Variants in KIRREL3 observed in about 807,000 individuals in gnomAD.
KIRREL3 encodes kin of IRRE-like protein 3.
In KIRREL3, 36 loss-of-function variants were observed where a neutral mutation model predicts 89.7. The observed-to-expected ratio is 0.40, with a 90% CI of 0.31 to 0.53. KIRREL3 has a LOEUF of 0.53. Among genes scored for constraint, KIRREL3 ranks in the 20% least tolerant of loss-of-function variants. The pLI is 0.49. For missense variants in KIRREL3, 864 were observed against 1,056.6 expected, an observed-to-expected ratio of 0.82 and a Z score of 2.53; for synonymous variants, 445 against 441.4, an observed-to-expected ratio of 1.01 and a Z score of -0.10.
rs1297889914 is a variant in KIRREL3 at position 126,664,520 on chromosome 11, A to T, written c.56-101608T>A. 6.6e-6 allele frequency among the ~76,000 whole-genome samples: 1 copy of T among 152,132 alleles called. No individual in the cohort carries two copies. The highest frequency in any genetic ancestry group is 1.5e-5 in the Non-Finnish European group (1 of 68,018). On this transcript the variant is annotated intron_variant, in intron 1 of 16. Coordinates refer to ENST00000525144, the MANE Select transcript of KIRREL3 (RefSeq NM_032531.4). The surrounding 1 kb of genome is among the most constrained non-coding windows in gnomAD (Gnocchi z 5.4). ...AATCTCAGGTGCAGGGAAGGCATAGATCTTCTGTTGGAACTGGGGATACTG... is the reference window on the plus strand; with the variant it reads ...AATCTCAGGTGCAGGGAAGGCATAGTTCTTCTGTTGGAACTGGGGATACTG...
intron 1 of KIRREL3, among the ~76,000 whole-genome samples, chr11:126,854,522 G>C (rs1944446186): frequency 6.6e-6 from 1 of 152,092 alleles, no homozygotes; most frequent in Non-Finnish European, 1.5e-5. Flanking sequence ...ATGTATTCCA[G>C]GTTCATCCAT....
intron 1 of KIRREL3, among the ~76,000 whole-genome samples, chr11:126,638,691 G>A (rs886759684): frequency 9.2e-5 from 14 of 152,148 alleles, no homozygotes; most frequent in African/African-American, 2.9e-4. Context: ...TATTTGGTGG[G>A]CAGTTGTAGT....
At position 126,985,539 on chromosome 11, in the gene KIRREL3, G is replaced by A. The variant is rs1212576322; in HGVS notation, c.55+14916C>T. Among the ~76,000 whole-genome samples, 1 of 152,164 alleles carries A rather than the reference G, an allele frequency of 6.6e-6. No individual in the cohort carries two copies. The highest frequency in any genetic ancestry group is 2.4e-5 in the African/African-American group (1 of 41,436). On this transcript the variant is annotated intron_variant, in intron 1 of 16. Coordinates refer to ENST00000525144, the MANE Select transcript of KIRREL3 (RefSeq NM_032531.4). The surrounding 1 kb of genome is among the most constrained non-coding windows in gnomAD (Gnocchi z 5.3). The stretch of plus-strand genomic sequence containing the variant: ...AAACTTCCACCAGGAGGCAAAAGGA[G>A]CTGAGTCTTTAGGGTAGAAGTTATC...
rs1939767731 is a variant in KIRREL3 at position 126,557,127 on chromosome 11, C to T, written c.133+5708G>A. On this transcript the variant is annotated intron_variant, in intron 2 of 16. Coordinates refer to ENST00000525144, the MANE Select transcript of KIRREL3 (RefSeq NM_032531.4). The surrounding 1 kb of genome is among the most constrained non-coding windows in gnomAD (Gnocchi z 5.6). ...GCCGGTAGCAGGGAGGCCTGCTCAT[C>T]CCTGGGTCAGGTCCCCAGGCCAAGG... is the stretch of plus-strand genomic sequence containing the variant. 6.6e-6 allele frequency among the ~76,000 whole-genome samples: 1 copy of T among 152,160 alleles called. No individual in the cohort carries two copies. Among genetic ancestry groups the T allele is most frequent in the African/African-American group, 2.4e-5 (1 of 41,424 alleles).
In KIRREL3 at chr11:126,725,446, G is replaced by A. The variant is rs1357108288; in HGVS notation, c.56-162534C>T. The stretch of plus-strand genomic sequence containing the variant: ...TGGTTTGGAAATGGTGCTAACACCC[G>A]CATGGGCATTTCTTTCTTGACATCT... On this transcript the variant is annotated intron_variant, in intron 1 of 16. Coordinates refer to ENST00000525144, the MANE Select transcript of KIRREL3 (RefSeq NM_032531.4). 3.9e-5 allele frequency among the ~76,000 whole-genome samples: 6 copies of A among 152,194 alleles called. No individual in the cohort carries two copies. In the East Asian group the frequency reaches 5.8e-4, roughly 15 times the overall value.
intron 1 of KIRREL3, among the ~76,000 whole-genome samples, chr11:126,591,400 G>T (rs566054585): frequency 2.6e-5 from 4 of 152,312 alleles, no homozygotes; most frequent in Admixed American, 2.6e-4. Context: ...GTGTGTTCTG[G>T]TGGGAGGTTT....
At position 126,561,308 on chromosome 11, in the gene KIRREL3, C is replaced by T. The variant is rs1940101489; in HGVS notation, c.133+1527G>A. ...TAACTCATCACACATGTTGGCTCAG[C>T]TTGCATCCCATCCCCTCATCTCCTC... On this transcript the variant is annotated intron_variant, in intron 2 of 16. Coordinates refer to ENST00000525144, the MANE Select transcript of KIRREL3 (RefSeq NM_032531.4). The surrounding 1 kb of genome is among the most constrained non-coding windows in gnomAD (Gnocchi z 4.5). Among the ~76,000 whole-genome samples the T allele has an allele frequency of 6.6e-6, 1 of 152,210 alleles. No homozygotes were observed. The highest frequency in any genetic ancestry group is 1.5e-5 in the Non-Finnish European group (1 of 68,040).
intron 1 of KIRREL3, among the ~76,000 whole-genome samples, chr11:126,893,784 C>G (rs1227595981): frequency 6.6e-6 from 1 of 152,190 alleles, no homozygotes; most frequent in African/African-American, 2.4e-5. Flanking sequence ...GTTATAAATA[C>G]CTTAACATTC....
At chr11:126,494,335 C>T (rs772341811) in intron 4 of KIRREL3, among the ~76,000 whole-genome samples, 2 of 152,092 alleles carry the variant, frequency 1.3e-5, no homozygotes, top group East Asian at 1.9e-4. Context: ...TTTTAATACA[C>T]CTGCTTTTAA....
In KIRREL3 at chr11:126,923,256, TTCTTCTTCTTCTCCTTCTCC is replaced by T. The variant is rs1240608494; in HGVS notation, c.55+77179_55+77198del. On this transcript the variant is annotated intron_variant, in intron 1 of 16. Transcript: ENST00000525144. ...CTTCTTCTTCTTCTTCTTCTTCTTCTTCTTCTTCTTCTCCTTCTCCTTCTCCTTCTCCTTCTCCTTCTTCC... is the reference window on the plus strand; with the variant it reads ...CTTCTTCTTCTTCTTCTTCTTCTTCTTTCTCCTTCTCCTTCTCCTTCTTCC... 6.7e-5 allele frequency among the ~76,000 whole-genome samples: 7 copies of T among 105,244 alleles called. 1 individual carries two copies. Among genetic ancestry groups the T allele is most frequent in the Non-Finnish European group, 1.1e-4 (6 of 52,828 alleles). The allele number at this position is 105,244 out of a possible 152,430, so 69.0% of individuals were successfully genotyped here. A position where few individuals can be genotyped will look rare whatever the true frequency, so the allele number is the denominator to read the frequency against.
At chr11:126,862,881 C>G (rs1425016228) in intron 1 of KIRREL3, among the ~76,000 whole-genome samples, 1 of 152,194 alleles carries the variant, frequency 6.6e-6, no homozygotes, top group Admixed American at 6.5e-5. Flanking sequence ...GAGAAGCAGA[C>G]AGAATGGGAG....
chr11:126,646,566 C>T (rs984792480), intron 1 of KIRREL3, among the ~76,000 whole-genome samples: 1 of 150,338 alleles, frequency 6.7e-6, no homozygotes, highest in African/African-American at 2.4e-5. Context: ...ACTTCAACTC[C>T]TGGGTTCAGG....
Position 126,862,339 on chromosome 11 carries a change from G to A in KIRREL3, c.55+138116C>T, listed in dbSNP as rs1015100186. Among the ~76,000 whole-genome samples, 2 of 152,314 alleles carry A rather than the reference G, an allele frequency of 1.3e-5. 1 individual carries two copies. The highest frequency in any genetic ancestry group is 4.2e-4 in the South Asian group (2 of 4,816). ...AACCTTCCCACGTCATTTGCAGAGTGAAGTGAATATCAATAAAATTGTAAC... is the reference window on the plus strand; with the variant it reads ...AACCTTCCCACGTCATTTGCAGAGTAAAGTGAATATCAATAAAATTGTAAC... On this transcript the variant is annotated intron_variant, in intron 1 of 16. Transcript: ENST00000525144.
chr11:126,494,667 G>A (rs2134347478), intron 4 of KIRREL3, among the ~76,000 whole-genome samples: 1 of 152,354 alleles, frequency 6.6e-6, no homozygotes, highest in South Asian at 2.1e-4. Flanking sequence ...TGTTCCCAGA[G>A]AGGGAAGCTG....
rs1945584576 is a variant in KIRREL3, at chr11:126,883,517, T to C, written c.55+116938A>G. Reference sequence around the variant, plus strand: ...CAACTCTGCTTGAAACGTCCTTAACTCATCTTCTCCACCTGGAAAAAATCC... The same window carrying C: ...CAACTCTGCTTGAAACGTCCTTAACCCATCTTCTCCACCTGGAAAAAATCC... On this transcript the variant is annotated intron_variant, in intron 1 of 16. Transcript: ENST00000525144. The surrounding 1 kb of genome is among the most constrained non-coding windows in gnomAD (Gnocchi z 4.1). Among the ~76,000 whole-genome samples the C allele has an allele frequency of 6.6e-6, 1 of 152,080 alleles. No homozygotes were observed. Among genetic ancestry groups the C allele is most frequent in the South Asian group, 2.1e-4 (1 of 4,828 alleles).
chr11:126,664,650 C>T lies in KIRREL3; in HGVS notation c.56-101738G>A, dbSNP rs1394637169. On this transcript the variant is annotated intron_variant, in intron 1 of 16. Coordinates refer to ENST00000525144, the MANE Select transcript of KIRREL3 (RefSeq NM_032531.4). The surrounding 1 kb of genome is among the most constrained non-coding windows in gnomAD (Gnocchi z 5.4). ...AGCTCCGATGTGCCCTTCCTGCATG[C>T]CAAAGCCAGTTCTCTCTTGGAGATG... Among the ~76,000 whole-genome samples, 1 of 152,192 alleles carries T rather than the reference C, an allele frequency of 6.6e-6. No individual in the cohort carries two copies. The highest frequency in any genetic ancestry group is 1.9e-4 in the East Asian group (1 of 5,188).
At chr11:126,934,355 A>C (rs1206964575) in intron 1 of KIRREL3, among the ~76,000 whole-genome samples, 1 of 152,202 alleles carries the variant, frequency 6.6e-6, no homozygotes, top group African/African-American at 2.4e-5. Context: ...AAACTACAAA[A>C]ATTTTAAAAG....
At chr11:126,899,703 G>A (rs1946295938) in intron 1 of KIRREL3, among the ~76,000 whole-genome samples, 1 of 152,244 alleles carries the variant, frequency 6.6e-6, no homozygotes, top group African/African-American at 2.4e-5. Context: ...AAAGGGCTGA[G>A]CAGGAAGGTT....
intron 1 of KIRREL3, among the ~76,000 whole-genome samples, chr11:126,986,178 T>C (rs1181424391): frequency 6.6e-6 from 1 of 152,150 alleles, no homozygotes; most frequent in African/African-American, 2.4e-5. Context: ...GGTTGCTGGG[T>C]TCATCAGCTC....
Sources: allele counts gnomAD v4.1 joint callset (sites outside exome capture counted in the v4.1 genomes callset), GRCh38; gene constraint gnomAD v4.1.1; non-coding constraint Gnocchi (gnomAD v3.1); transcripts MANE v1.5; gene names NCBI Gene and HGNC (gene_info 2026-07-23, HGNC 2026-07-21).